ZC3H15: variants seen among roughly 807,000 people sequenced by gnomAD.
ZC3H15 encodes the protein zinc finger CCCH domain-containing protein 15.
Under a neutral mutation model 51.2 loss-of-function variants are expected in ZC3H15, and 15 were observed. The ratio of observed to expected loss-of-function variants is 0.29; its 90% CI spans 0.20 to 0.45. ZC3H15 has a LOEUF of 0.45. ZC3H15 is among the 20% of genes least tolerant of loss of function. The pLI, the probability that ZC3H15 is intolerant of heterozygous loss-of-function variation, is 1.00. For synonymous variants in ZC3H15, 144 were observed against 162.8 expected (o/e 0.88, Z 0.88); for missense variants, 381 against 494.7 (o/e 0.77, Z 2.18).
chr2:186,489,554 C>T (rs1049477508), intron 1 of ZC3H15, among the ~76,000 whole-genome samples: 2 of 152,056 alleles, frequency 1.3e-5, no homozygotes, highest in Non-Finnish European at 2.9e-5. Context: ...GCTGTATGAC[C>T]TGAAATTCTA....
At position 186,488,960 on chromosome 2, in the gene ZC3H15, C is replaced by T. The variant is rs530539751; in HGVS notation, c.75+2503C>T. 6 of 169,714 alleles carry T rather than the reference C, an allele frequency of 3.5e-5. No individual in the cohort carries two copies. In the South Asian group the frequency reaches 8.5e-4, roughly 24 times the overall value. The allele number at this position is 169,714 out of a possible 1,614,324, so 10.5% of individuals were successfully genotyped here. A position where few individuals can be genotyped will look rare whatever the true frequency, so the allele number is the denominator to read the frequency against. ...CATTCTTTAACCTAACCTGCAGTAC[C>T]GTTGGATGTATGTCTTTGAGGCCAT... is the stretch of plus-strand genomic sequence containing the variant. On this transcript the variant is annotated intron_variant, in intron 1 of 9. Coordinates refer to ENST00000337859, the MANE Select transcript of ZC3H15 (RefSeq NM_018471.3).
rs1685453078 is a variant in ZC3H15 at position 186,505,531 on chromosome 2, G to T, written c.798G>T (p.Lys266Asn). The change falls in exon 7 of 10, where the codon AAG becomes AAT. Residue 266 changes from lysine to asparagine, a missense_variant. Physicochemically the swap from Lys to Asn is moderately conservative, Grantham distance 94 (BLOSUM62 0). Coordinates refer to ENST00000337859, the MANE Select transcript of ZC3H15 (RefSeq NM_018471.3). ...LAWKKRKRQE[K>N]IDKLEQDMER... ...GGAAGAAAAGGAAAAGACAAGAAAA[G>T]ATTGATAAACTTGAACAAGATATGG... is the stretch of plus-strand genomic sequence containing the variant. The T allele has an allele frequency of 1.2e-6, 2 of 1,606,114 alleles. No homozygotes were observed. Among genetic ancestry groups the T allele is most frequent in the Non-Finnish European group, 1.7e-6 (2 of 1,177,786 alleles).
At chr2:186,487,706 G>A (rs966794263) in intron 1 of ZC3H15, among the ~76,000 whole-genome samples, 1 of 152,156 alleles carries the variant, frequency 6.6e-6, no homozygotes, top group Non-Finnish European at 1.5e-5. Flanking sequence ...GTTGCTGATC[G>A]GATGGCATTC....
intron 1 of ZC3H15, among the ~76,000 whole-genome samples, chr2:186,494,482 A>G (rs571701894): frequency 3.9e-5 from 6 of 152,198 alleles, no homozygotes; most frequent in Middle Eastern, 3.2e-3. Context: ...TCTGCTACAA[A>G]GGATGATTTG....
chr2:186,502,365 G>A (rs754823273), intron 4 of ZC3H15, 131 bp from the exon 5 acceptor site: 56 of 705,054 alleles, frequency 7.9e-5, no homozygotes, highest in South Asian at 7.1e-4. Context: ...GTGAGACCCC[G>A]TCTCAACAAA....
intron 4 of ZC3H15, among the ~76,000 whole-genome samples, chr2:186,501,730 AG>A (rs1333100188): frequency 2.1e-5 from 3 of 141,860 alleles, no homozygotes; most frequent in Non-Finnish European, 4.6e-5. Flanking sequence ...TTTTTTTTTG[AG>A]ACGGAGTCTT....
chr2:186,506,930 C>A, intron 9 of ZC3H15, 94 bp downstream of exon 9: 1 of 1,326,678 alleles, frequency 7.5e-7, no homozygotes, highest in Non-Finnish European at 1.0e-6. Flanking sequence ...GTGCAGGTAC[C>A]AGATTGGTAA....
chr2:186,496,979 G>C (rs1030621107), intron 2 of ZC3H15: 1 of 322,552 alleles, frequency 3.1e-6, no homozygotes, highest in South Asian at 2.5e-5. Context: ...TATTTTTCCT[G>C]GTTGTTCTTA....
chr2:186,495,113 T>G, intron 1 of ZC3H15, 120 bp from the exon 2 acceptor site: 1 of 576,414 alleles, frequency 1.7e-6, no homozygotes, highest in Non-Finnish European at 2.9e-6. Flanking sequence ...TTTAGTGTTT[T>G]GCATGTTTTT....
intron 1 of ZC3H15, among the ~76,000 whole-genome samples, chr2:186,489,818 A>G (rs1209588436): frequency 6.6e-6 from 1 of 152,236 alleles, no homozygotes; most frequent in Non-Finnish European, 1.5e-5. Flanking sequence ...TTTGAGTCCC[A>G]TGTTTCAAAT....
At chr2:186,487,851 A>G (rs1685127257) in intron 1 of ZC3H15, among the ~76,000 whole-genome samples, 1 of 152,240 alleles carries the variant, frequency 6.6e-6, no homozygotes, top group Non-Finnish European at 1.5e-5. Flanking sequence ...CATGCATTGT[A>G]GAGCTTTCTC....
intron 3 of ZC3H15, chr2:186,500,498 G>C: frequency 1.5e-6 from 1 of 661,724 alleles, no homozygotes; most frequent in Non-Finnish European, 2.8e-6. Context: ...CTGAACTGCA[G>C]CCATGCACCC....
chr2:186,494,068 A>AT (rs940914392), intron 1 of ZC3H15, among the ~76,000 whole-genome samples: 5 of 150,560 alleles, frequency 3.3e-5, no homozygotes, highest in Non-Finnish European at 5.9e-5. Context: ...CTGCATACTT[A>AT]TTTTTTTTAA....
chr2:186,506,061 T>G, intron 8 of ZC3H15: 1 of 639,020 alleles, frequency 1.6e-6, no homozygotes, highest in South Asian at 1.7e-5. Flanking sequence ...AGTTCATGAA[T>G]TAGTAGTTCT....
intron 9 of ZC3H15, chr2:186,507,325 G>GT (rs1685484803): frequency 2.2e-6 from 1 of 451,072 alleles, no homozygotes; most frequent in Non-Finnish European, 4.5e-6. Flanking sequence ...TAGGGTGCCA[G>GT]TTTCATTGAG....
intron 1 of ZC3H15, among the ~76,000 whole-genome samples, chr2:186,493,298 CA>C (rs1333146641): frequency 2.0e-5 from 3 of 152,046 alleles, no homozygotes; most frequent in Non-Finnish European, 4.4e-5. Context: ...TGGCAGAGAA[CA>C]GGCCTCTCTG....
At position 186,508,993 on chromosome 2, in the gene ZC3H15, A is replaced by G; in HGVS notation, c.*260A>G. 3 of 570,332 alleles carry G rather than the reference A, an allele frequency of 5.3e-6. No homozygotes were observed. The highest frequency in any genetic ancestry group is 9.9e-6 in the Non-Finnish European group (3 of 302,686). The allele number at this position is 570,332 out of a possible 1,614,324, so 35.3% of individuals were successfully genotyped here. A position where few individuals can be genotyped will look rare whatever the true frequency, so the allele number is the denominator to read the frequency against. Reference sequence around the variant, plus strand: ...AAAATGATTGATGTTGTAACTGTCCACCCAAGTAAGAAGTGTATCTGCCTT... The same window carrying G: ...AAAATGATTGATGTTGTAACTGTCCGCCCAAGTAAGAAGTGTATCTGCCTT... On this transcript the variant is annotated 3_prime_UTR_variant, in exon 10 of 10. Transcript: ENST00000337859.
At chr2:186,506,935 T>G (rs766425007) in intron 9 of ZC3H15, 99 bp downstream of exon 9, 1 of 1,298,284 alleles carries the variant, frequency 7.7e-7, no homozygotes, top group African/African-American at 1.5e-5. Flanking sequence ...GGTACCAGAT[T>G]GGTAACATAA....
intron 2 of ZC3H15, 29 bp downstream of exon 2, chr2:186,495,363 T>C: frequency 3.1e-6 from 4 of 1,274,570 alleles, no homozygotes; most frequent in Non-Finnish European, 4.2e-6. Context: ...CATATCTTTT[T>C]ATAAATGTAA....
Sources: allele counts gnomAD v4.1 joint callset (sites outside exome capture counted in the v4.1 genomes callset), GRCh38; gene constraint gnomAD v4.1.1; transcripts MANE v1.5; gene names NCBI Gene and HGNC (gene_info 2026-07-23, HGNC 2026-07-21).